The following HYDIN variants were observed in gnomAD, a reference collection of about 807,000 sequenced individuals.
HYDIN encodes the protein HYDIN axonemal central pair apparatus protein, also known as axonemal central pair apparatus protein HYDIN.
Under a neutral mutation model 403.9 loss-of-function variants are expected in HYDIN, and 132 were observed. The ratio of observed to expected loss-of-function variants is 0.33; its 90% confidence interval spans 0.28 to 0.38. The LOEUF is 0.38. Among genes scored for constraint, HYDIN ranks in the 10% least tolerant of loss-of-function variants. The pLI is 1.00. For synonymous variants in HYDIN, 1,202 were observed against 1,891.7 expected, an observed-to-expected ratio of 0.64 and a Z score of 9.46; for missense variants, 2,827 against 5,009.5, an observed-to-expected ratio of 0.56 and a Z score of 13.15.
At chr16:71,102,716 T>C (rs1458118500) in intron 10 of HYDIN, among the ~76,000 whole-genome samples, 1 of 151,648 alleles carries the variant, frequency 6.6e-6, no homozygotes, top group Non-Finnish European at 1.5e-5. Flanking sequence ...CTTCCCACAA[T>C]TTCCCTGATG....
rs2143993583 is a variant in HYDIN at position 70,974,261 on chromosome 16, T to C, written c.4949A>G (p.His1650Arg). 1 of 1,612,978 alleles carries C rather than the reference T, an allele frequency of 6.2e-7. No individual in the cohort carries two copies. Among genetic ancestry groups the C allele is most frequent in the East Asian group, 2.2e-5 (1 of 44,840 alleles). The change falls in exon 33 of 86, where the codon CAT becomes CGT. Residue 1650 changes from histidine (H) to arginine (R), a missense_variant. Transcript: ENST00000393567. ...TELDRVKNLP[H>R]CETEIFEVRF... ...CACTTCAAATATTTCCGTTTCACAA[T>C]GAGGTAGATTCTTTACACGATCTAG... is the stretch of plus-strand genomic sequence containing the variant.
intron 23 of HYDIN, among the ~76,000 whole-genome samples, chr16:70,996,326 C>A (rs2079531777): frequency 2.6e-5 from 4 of 152,178 alleles, no homozygotes; most frequent in African/African-American, 9.6e-5. Context: ...GATGAGAAAC[C>A]CAACCCTTGC....
At chr16:70,902,804 TATATATATATATA>T in intron 52 of HYDIN, among the ~76,000 whole-genome samples, 1 of 19,400 alleles carries the variant, frequency 5.2e-5, no homozygotes, top group African/African-American at 1.9e-4. Context: ...AATATATATA[TATATATATATATA>T]TATATTTTTT....
At chr16:71,135,586 A>G (rs1296403659) in intron 8 of HYDIN, among the ~76,000 whole-genome samples, 1 of 148,702 alleles carries the variant, frequency 6.7e-6, no homozygotes. Context: ...CTGAAACACT[A>G]CTTTGCTATT....
intron 7 of HYDIN, among the ~76,000 whole-genome samples, chr16:71,152,411 C>T (rs2085573096): frequency 6.6e-6 from 1 of 150,672 alleles, no homozygotes; most frequent in Non-Finnish European, 1.5e-5. Flanking sequence ...TGTTTAGTTA[C>T]ATGAATAAGT....
In HYDIN at chr16:71,069,479, A is replaced by C; in HGVS notation, c.1762T>G (p.Ser588Ala). The C allele has an allele frequency of 6.2e-7, 1 of 1,613,708 alleles. No homozygotes were observed. ...GGGATCAAAGAGGTATTATTGAGGG[A>C]ACATATCAAGGTATGAGGAAACCCT... Reference protein sequence around the residue: ...SFGFPHTLICSLNNTSLIPMT... With the variant: ...SFGFPHTLICALNNTSLIPMT... Residue 588 changes from serine (S) to alanine (A), a missense_variant, in exon 14 of 86, where the codon TCC (serine) becomes GCC (alanine). Physicochemically the swap from Ser to Ala is moderately conservative, Grantham distance 99. Transcript: ENST00000393567.
At chr16:71,181,466 G>C (rs1004857494) in intron 3 of HYDIN, among the ~76,000 whole-genome samples, 1 of 151,936 alleles carries the variant, frequency 6.6e-6, no homozygotes, top group Non-Finnish European at 1.5e-5. Flanking sequence ...TAAATATATG[G>C]TCACTTGATT....
intron 1 of HYDIN, among the ~76,000 whole-genome samples, chr16:71,215,777 A>G (rs1237238815): frequency 6.4e-5 from 8 of 125,692 alleles, no homozygotes; most frequent in Non-Finnish European, 4.9e-5. Flanking sequence ...CTACAAAACA[A>G]TATTAAAAAA....
At position 70,803,930 on chromosome 16, in the gene HYDIN, C is replaced by T. The variant is rs2035000227; in HGVS notation, c.*3650G>A. 6.6e-6 allele frequency among the ~76,000 whole-genome samples: 1 copy of T among 152,158 alleles called. No homozygotes were observed. On this transcript the variant is annotated 3_prime_UTR_variant, in exon 86 of 86. Transcript: ENST00000393567. The stretch of plus-strand genomic sequence containing the variant: ...CCTTGGAGTTCTGCCACACAGCTAC[C>T]CTGACATTTTCTGAACATCCCCCAG...
intron 50 of HYDIN, among the ~76,000 whole-genome samples, chr16:70,906,556 A>C (rs1168692499): frequency 2.0e-5 from 3 of 152,056 alleles, no homozygotes; most frequent in Non-Finnish European, 4.4e-5. Context: ...CATCTCCTGA[A>C]ATTCCAACCT....
At chr16:70,869,737 C>T (rs1183517965) in intron 65 of HYDIN, among the ~76,000 whole-genome samples, 3 of 149,442 alleles carry the variant, frequency 2.0e-5, no homozygotes, top group East Asian at 3.9e-4. Context: ...TTATCAGCAA[C>T]GTGAAAATGA....
chr16:70,955,126 G>A (rs2078192262), intron 40 of HYDIN, among the ~76,000 whole-genome samples: 1 of 152,224 alleles, frequency 6.6e-6, no homozygotes, highest in Non-Finnish European at 1.5e-5. Context: ...TTCCAAAGGT[G>A]TGGGCTGTGT....
chr16:70,857,939 A>T (rs1165139975), intron 71 of HYDIN, 69 bp from the exon 72 acceptor site: 1 of 1,331,588 alleles, frequency 7.5e-7, no homozygotes, highest in African/African-American at 1.5e-5. Context: ...GTCCCTGGAG[A>T]CTTGTCAGCA....
chr16:71,179,084 C>A lies in HYDIN; in HGVS notation c.262-37G>T, dbSNP rs768526546. On this transcript the variant is annotated intron_variant, in intron 3 of 85. Coordinates refer to ENST00000393567, the MANE Select transcript of HYDIN (RefSeq NM_001270974.2). ...AGAGTAAATTATTGTTATAGTCACA[C>A]ATTGACAAAAATGACTGGGGAAGAT... 4 of 1,560,430 alleles carry A rather than the reference C, an allele frequency of 2.6e-6. No individual in the cohort carries two copies. In the South Asian group the frequency reaches 3.5e-5, roughly 14 times the overall value.
At chr16:71,194,090 G>C (rs2087570952) in intron 1 of HYDIN, among the ~76,000 whole-genome samples, 1 of 152,198 alleles carries the variant, frequency 6.6e-6, no homozygotes, top group African/African-American at 2.4e-5. Context: ...AACATTGCTT[G>C]ATAAAAATGT....
chr16:70,902,821 A>ATATATTTTTTTTTTTTTTTT, intron 52 of HYDIN, among the ~76,000 whole-genome samples: 3 of 47,296 alleles, frequency 6.3e-5, no homozygotes, highest in African/African-American at 1.2e-4. Context: ...ATATATATAT[A>ATATATTTTTTTTTTTTTTTT]TTTTTTTTTT....
At chr16:70,836,060 G>A in intron 77 of HYDIN, among the ~76,000 whole-genome samples, 1 of 151,946 alleles carries the variant, frequency 6.6e-6, no homozygotes, top group East Asian at 1.9e-4. Flanking sequence ...AATATATGTA[G>A]GAAAATCTCA....
At chr16:71,132,492 A>G (rs1205819298) in intron 8 of HYDIN, 1 of 50,596 alleles carries the variant, frequency 2.0e-5, no homozygotes, top group Non-Finnish European at 3.9e-5. Context: ...ATACATTTTG[A>G]AAGAACAGAT....
At chr16:70,872,224 C>T in intron 64 of HYDIN, 45 bp from the exon 65 acceptor site, 1 of 832,506 alleles carries the variant, frequency 1.2e-6, no homozygotes, top group Non-Finnish European at 1.8e-6. Flanking sequence ...CTGGCCTCCC[C>T]TGAGGGCCTG....
Sources: allele counts gnomAD v4.1 joint callset (sites outside exome capture counted in the v4.1 genomes callset), GRCh38; gene constraint gnomAD v4.1.1; transcripts MANE v1.5; gene names NCBI Gene and HGNC (gene_info 2026-07-23, HGNC 2026-07-21).